The following VPS13B variants were observed in gnomAD, a reference collection of about 807,000 sequenced individuals.
VPS13B encodes the protein vacuolar protein sorting 13 homolog B, also known as intermembrane lipid transfer protein VPS13B.
A neutral mutation model predicts 426.4 loss-of-function variants in VPS13B; 285 were observed. The observed-to-expected ratio is 0.67, with a 90% CI of 0.61 to 0.74. The LOEUF (loss-of-function observed/expected upper bound fraction) is 0.74, where lower values mean the gene tolerates loss of function less well. VPS13B is among the 30% of genes least tolerant of loss of function. The pLI, the probability that VPS13B is intolerant of heterozygous loss-of-function variation, is 0.00. For synonymous variants in VPS13B, 1,676 were observed against 1,676.4 expected, an observed-to-expected ratio of 1.00 and a Z score of 0.01; for missense variants, 4,537 against 4,782.6, an observed-to-expected ratio of 0.95 and a Z score of 1.51.
chr8:99,285,444 T>C (rs530099867), intron 19 of VPS13B, among the ~76,000 whole-genome samples: 1 of 152,150 alleles, frequency 6.6e-6, no homozygotes, highest in African/African-American at 2.4e-5. Context: ...AGTAGCTTCA[T>C]TAGTAAGTAG....
At chr8:99,659,055 A>G (rs1830124734) in intron 34 of VPS13B, among the ~76,000 whole-genome samples, 1 of 151,978 alleles carries the variant, frequency 6.6e-6, no homozygotes, top group African/African-American at 2.4e-5. Context: ...GGCTGATCTC[A>G]AACTCCTGGG....
At chr8:99,311,658 T>C (rs1163278370) in intron 19 of VPS13B, among the ~76,000 whole-genome samples, 1 of 152,204 alleles carries the variant, frequency 6.6e-6, no homozygotes, top group East Asian at 1.9e-4. Flanking sequence ...TGATTTGGGG[T>C]AGAGAGTTCT....
chr8:99,378,942 T>C (rs2133281916), intron 19 of VPS13B, among the ~76,000 whole-genome samples: 1 of 152,258 alleles, frequency 6.6e-6, no homozygotes, highest in Admixed American at 6.5e-5. Context: ...CCTCAACCTC[T>C]GGGCCGTGGA....
At chr8:99,792,495 G>C (rs1020696781) in intron 43 of VPS13B, among the ~76,000 whole-genome samples, 1 of 152,120 alleles carries the variant, frequency 6.6e-6, no homozygotes, top group Non-Finnish European at 1.5e-5. Context: ...AACCCTAAAA[G>C]AGTGATCGGA....
intron 17 of VPS13B, chr8:99,233,754 T>C: frequency 1.3e-6 from 1 of 780,018 alleles, no homozygotes. Context: ...TCATTTTTCT[T>C]CACATTTCTG....
chr8:99,871,161 GA>G, intron 60 of VPS13B: 1 of 601,522 alleles, frequency 1.7e-6, no homozygotes, highest in South Asian at 2.0e-5. Flanking sequence ...TAGAGGGCCT[GA>G]GATTCCCTGT....
intron 8 of VPS13B, among the ~76,000 whole-genome samples, chr8:99,124,882 CAA>C (rs34328080): frequency 5.8e-5 from 5 of 86,252 alleles, no homozygotes; most frequent in African/African-American, 2.5e-4. Context: ...GACTCCGTCT[CAA>C]AAAAAAAAAA....
chr8:99,031,133 T>C (rs1280517000), intron 2 of VPS13B, among the ~76,000 whole-genome samples: 1 of 152,252 alleles, frequency 6.6e-6, no homozygotes, highest in Admixed American at 6.5e-5. Flanking sequence ...TCAAAAGACT[T>C]ATGTTCAAGT....
At position 99,830,418 on chromosome 8, in the gene VPS13B, T is replaced by C. The variant is rs1353401324; in HGVS notation, c.9331-1951T>C. On this transcript the variant is annotated intron_variant, in intron 51 of 61. Transcript: ENST00000357162. The stretch of plus-strand genomic sequence containing the variant: ...ACACTGTGAGGGAGAAACCACCTAC[T>C]CAAACCTCAGTAATGGTGGATGCCC... Among the ~76,000 whole-genome samples the C allele has an allele frequency of 2.0e-5, 3 of 152,182 alleles. No homozygotes were observed. The East Asian group carries it at 5.8e-4, about 29-fold the overall frequency.
At chr8:99,061,830 T>C (rs1405923433) in intron 3 of VPS13B, among the ~76,000 whole-genome samples, 1 of 152,224 alleles carries the variant, frequency 6.6e-6, no homozygotes, top group Non-Finnish European at 1.5e-5. Context: ...CTTACTTCTG[T>C]ATGTTACACA....
chr8:99,580,019 T>C (rs1234536566), intron 33 of VPS13B, among the ~76,000 whole-genome samples: 2 of 152,074 alleles, frequency 1.3e-5, no homozygotes, highest in South Asian at 2.1e-4. Context: ...TAAAAATTCC[T>C]TTTGAGAACA....
chr8:99,533,632 A>AC (rs1380717541), intron 30 of VPS13B, among the ~76,000 whole-genome samples: 2 of 152,230 alleles, frequency 1.3e-5, no homozygotes. Flanking sequence ...CAAGATTAAC[A>AC]TTCTTTTATT....
intron 17 of VPS13B, among the ~76,000 whole-genome samples, chr8:99,267,878 A>G (rs1413405227): frequency 6.6e-6 from 1 of 152,140 alleles, no homozygotes; most frequent in East Asian, 1.9e-4. Flanking sequence ...CCTTCATGAG[A>G]GTCCTTCCCA....
chr8:99,609,695 A>G (rs1008870655), intron 33 of VPS13B, among the ~76,000 whole-genome samples: 3 of 152,208 alleles, frequency 2.0e-5, no homozygotes, highest in Non-Finnish European at 4.4e-5. Context: ...TATTAAAAAG[A>G]TGTTTATTAA....
intron 14 of VPS13B, among the ~76,000 whole-genome samples, chr8:99,155,639 T>G (rs1811323092): frequency 6.6e-6 from 1 of 152,214 alleles, no homozygotes; most frequent in Non-Finnish European, 1.5e-5. Flanking sequence ...AAATCAGCAT[T>G]GTATTTTCGA....
At chr8:99,414,973 T>C (rs1815912113) in intron 21 of VPS13B, among the ~76,000 whole-genome samples, 1 of 152,182 alleles carries the variant, frequency 6.6e-6, no homozygotes, top group Non-Finnish European at 1.5e-5. Context: ...GTTGAAGAAG[T>C]TCTCCTGGAT....
chr8:99,834,547 T>C (rs934134882), intron 52 of VPS13B, among the ~76,000 whole-genome samples: 2 of 109,664 alleles, frequency 1.8e-5, no homozygotes, highest in African/African-American at 6.3e-5. Context: ...TTATTTTTTA[T>C]TTTTTTTGAT....
intron 19 of VPS13B, among the ~76,000 whole-genome samples, chr8:99,363,294 C>T (rs1169778012): frequency 6.6e-6 from 1 of 152,052 alleles, no homozygotes; most frequent in Non-Finnish European, 1.5e-5. Context: ...GTTCTTGGCA[C>T]CGTTGTTGAA....
intron 22 of VPS13B, among the ~76,000 whole-genome samples, chr8:99,433,694 G>C (rs1817229616): frequency 6.6e-6 from 1 of 152,058 alleles, no homozygotes; most frequent in Non-Finnish European, 1.5e-5. Flanking sequence ...AGTATAAATA[G>C]TTGTAAAACA....
Sources: allele counts gnomAD v4.1 joint callset (sites outside exome capture counted in the v4.1 genomes callset), GRCh38; gene constraint gnomAD v4.1.1; transcripts MANE v1.5; gene names NCBI Gene and HGNC (gene_info 2026-07-23, HGNC 2026-07-21).